HSPA9: variants seen among roughly 807,000 people sequenced by gnomAD.
HSPA9 encodes heat shock protein family A (Hsp70) member 9.
Under a neutral mutation model 81.5 loss-of-function variants are expected in HSPA9, and 28 were observed. The observed-to-expected ratio is 0.34, with a 90% confidence interval of 0.25 to 0.47. HSPA9 has a LOEUF of 0.47. HSPA9 is among the 20% of genes least tolerant of loss of function. The pLI is 1.00. For synonymous variants in HSPA9, 293 were observed against 290.4 expected (o/e 1.01, Z -0.09); for missense variants, 678 against 838.0 (o/e 0.81, Z 2.36).
chr5:138,565,366 A>T (rs1018370878), intron 9 of HSPA9, among the ~76,000 whole-genome samples: 3 of 151,998 alleles, frequency 2.0e-5, no homozygotes, highest in Admixed American at 2.0e-4. Flanking sequence ...GTCACTCCTC[A>T]CAGCCACTTA....
intron 11 of HSPA9, 27 bp downstream of exon 11, chr5:138,559,837 G>T: frequency 1.4e-6 from 2 of 1,462,870 alleles, no homozygotes; most frequent in South Asian, 2.3e-5. Context: ...AAACCCATGT[G>T]ACAAGGTAGG....
intron 5 of HSPA9, 36 bp downstream of exon 5, chr5:138,568,889 T>C: frequency 6.2e-7 from 1 of 1,610,092 alleles, no homozygotes; most frequent in Non-Finnish European, 8.5e-7. Flanking sequence ...ATCATTGTTC[T>C]TAGAACTTTC....
In HSPA9 at chr5:138,566,675, A is replaced by C; in HGVS notation, c.923T>G (p.Val308Gly). ...TTTAGCCTTTTCAGCAGCTTCCCGT[A>C]CCCTCTGAAGTGCCATGTTGTCTTT... Reference protein sequence around the residue: ...LTKDNMALQRVREAAEKAKCE... With the variant: ...LTKDNMALQRGREAAEKAKCE... Residue 308 changes from valine (V) to glycine (G), a missense_variant, in exon 9 of 17, where the codon GTA becomes GGA. Val to Gly is a moderately radical substitution (Grantham distance 109). Transcript: ENST00000297185. 3 of 1,614,062 alleles carry C rather than the reference A, an allele frequency of 1.9e-6. No homozygotes were observed. The highest frequency in any genetic ancestry group is 2.5e-6 in the Non-Finnish European group (3 of 1,179,972).
chr5:138,564,071 G>A (rs1750710925), intron 9 of HSPA9, among the ~76,000 whole-genome samples: 1 of 151,846 alleles, frequency 6.6e-6, no homozygotes, highest in South Asian at 2.1e-4. Flanking sequence ...ACCTCTCTCA[G>A]GTACCTTCTT....
intron 4 of HSPA9, 108 bp downstream of exon 4, chr5:138,570,852 A>C: frequency 4.0e-6 from 4 of 999,572 alleles, no homozygotes; most frequent in Non-Finnish European, 6.4e-6. Flanking sequence ...ACAATAAGTA[A>C]AATTACTAAA....
In HSPA9 at chr5:138,554,690, A is replaced by ACT. The variant is rs557597783; in HGVS notation, c.*1345_*1346dup. Among the ~76,000 whole-genome samples, 145 of 152,262 alleles carry ACT rather than the reference A, an allele frequency of 9.5e-4. No homozygotes were observed. Among genetic ancestry groups the ACT allele is most frequent in the Non-Finnish European group, 1.9e-3 (126 of 68,018 alleles). On this transcript the variant is annotated 3_prime_UTR_variant, in exon 17 of 17. Coordinates refer to ENST00000297185, the MANE Select transcript of HSPA9 (RefSeq NM_004134.7). The stretch of plus-strand genomic sequence containing the variant: ...TATTCTAAGCCCATCTTGATAACAG[A>ACT]CTCTTTTGAACATGGCATATGACAT...
chr5:138,560,908 ATTTT>A, intron 10 of HSPA9: 2 of 335,972 alleles, frequency 6.0e-6, no homozygotes, highest in Non-Finnish European at 1.1e-5. Context: ...TTCCAGGTTC[ATTTT>A]TTTTTTTTTT....
At chr5:138,571,645 CTATT>C (rs1234212507) in intron 3 of HSPA9, among the ~76,000 whole-genome samples, 4 of 151,344 alleles carry the variant, frequency 2.6e-5, no homozygotes, top group Admixed American at 1.3e-4. Flanking sequence ...TTTCAAACTA[CTATT>C]TTTTTTTTTT....
intron 14 of HSPA9, 146 bp downstream of exon 14, chr5:138,557,256 C>T (rs550553512): frequency 1.1e-5 from 8 of 702,288 alleles, no homozygotes; most frequent in East Asian, 8.1e-5. Flanking sequence ...TGCACCACCA[C>T]GCCCGGCTTC....
intron 14 of HSPA9, 162 bp downstream of exon 14, chr5:138,557,240 C>A: frequency 3.0e-6 from 2 of 672,392 alleles, no homozygotes; most frequent in East Asian, 2.7e-5. Context: ...GCTGGGACTG[C>A]AGGCGTGCAC....
chr5:138,559,960 A>G lies in HSPA9; in HGVS notation c.1314T>C (p.Leu438=). 6.2e-7 allele frequency: 1 copy of G among 1,614,146 alleles called. No individual in the cohort carries two copies. Among genetic ancestry groups the G allele is most frequent in the Non-Finnish European group, 8.5e-7 (1 of 1,180,012 alleles). The change falls in exon 11 of 17, where the codon CTT becomes CTC. Residue 438 remains leucine, a synonymous_variant. Coordinates refer to ENST00000297185, the MANE Select transcript of HSPA9 (RefSeq NM_004134.7). ...LAGDVTDVLL[L]DVTPLSLGIE... ...TACCCAGAGACAGGGGAGTGACATC[A>G]AGGAGCAGCACATCCGTGACATCGC...
intron 11 of HSPA9, 142 bp downstream of exon 11, chr5:138,559,722 C>T: frequency 1.5e-6 from 1 of 689,528 alleles, no homozygotes; most frequent in Non-Finnish European, 2.6e-6. Context: ...ATTCTCACCA[C>T]CCACAGTTAA....
chr5:138,556,369 A>G, intron 16 of HSPA9, 83 bp downstream of exon 16: 1 of 1,484,244 alleles, frequency 6.7e-7, no homozygotes, highest in Non-Finnish European at 9.3e-7. Context: ...ACAAATGGCT[A>G]TGGAGGGAGC....
intron 3 of HSPA9, among the ~76,000 whole-genome samples, chr5:138,571,972 T>C (rs1184125904): frequency 1.4e-5 from 2 of 146,006 alleles, no homozygotes; most frequent in African/African-American, 5.1e-5. Context: ...TTTTTTTTTT[T>C]TTTTGAGACA....
intron 9 of HSPA9, among the ~76,000 whole-genome samples, chr5:138,565,227 G>T (rs894850542): frequency 6.6e-6 from 1 of 152,116 alleles, no homozygotes. Context: ...AAATCCCTGG[G>T]AAGAATTATC....
Position 138,553,781 on chromosome 5 carries a change from TTATG to T in HSPA9, c.*2252_*2255del, listed in dbSNP as rs1333986176. Among the ~76,000 whole-genome samples, 6 of 152,202 alleles carry T rather than the reference TTATG, an allele frequency of 3.9e-5. No homozygotes were observed. Among genetic ancestry groups the T allele is most frequent in the African/African-American group, 1.2e-4 (5 of 41,462 alleles). On this transcript the variant is annotated 3_prime_UTR_variant, in exon 17 of 17. Coordinates refer to ENST00000297185, the MANE Select transcript of HSPA9 (RefSeq NM_004134.7). ...TTTTTGCCTTTTGTGATAGTTAATTTTATGTGTCAGTTTAGCCATTGATGCCATT... is the reference window on the plus strand; with the variant it reads ...TTTTTGCCTTTTGTGATAGTTAATTTTGTCAGTTTAGCCATTGATGCCATT...
chr5:138,567,302 C>CAAAAG lies in HSPA9; in HGVS notation c.717-144_717-140dup, dbSNP rs565070085. The stretch of plus-strand genomic sequence containing the variant: ...ATGTACTAGTTAAATTACCATGGCC[C>CAAAAG]AAAAGAAAAGAAAAGAATGGTTTTG... On this transcript the variant is annotated intron_variant, in intron 7 of 16. Transcript: ENST00000297185. 17 of 987,544 alleles carry CAAAAG rather than the reference C, an allele frequency of 1.7e-5. No individual in the cohort carries two copies. In the African/African-American group the frequency reaches 1.8e-4, roughly 10 times the overall value. 61.2% of individuals were successfully genotyped at this position (987,544 alleles called of 1,614,324 possible).
At chr5:138,561,374 G>A (rs1306705877) in intron 10 of HSPA9, among the ~76,000 whole-genome samples, 1 of 152,168 alleles carries the variant, frequency 6.6e-6, no homozygotes, top group Non-Finnish European at 1.5e-5. Flanking sequence ...CTCCCGAAGT[G>A]TTGGGATTAT....
chr5:138,558,618 T>C lies in HSPA9; in HGVS notation c.1450A>G (p.Ile484Val), dbSNP rs139840609. ...TCTCTTTCACCCTGACACACTTTAA[T>C]TTCCACTTGCGTTTGACCATCAGCG... The part of the protein sequence containing the change: ...TAADGQTQVE[I>V]KVCQGEREMA... The change falls in exon 12 of 17, where the codon ATT (isoleucine) becomes GTT (valine). Residue 484 changes from isoleucine (I) to valine (V), a missense_variant. This residue lies in a region of HSPA9 where 484 missense variants were observed against 647.5 expected (regional missense o/e 0.75). Transcript: ENST00000297185. 6.8e-6 allele frequency: 11 copies of C among 1,613,862 alleles called. No homozygotes were observed. Among genetic ancestry groups the C allele is most frequent in the African/African-American group, 1.3e-5 (1 of 74,908 alleles).
Sources: allele counts gnomAD v4.1 joint callset (sites outside exome capture counted in the v4.1 genomes callset), GRCh38; gene constraint gnomAD v4.1.1; regional missense constraint gnomAD v4.1.1; transcripts MANE v1.5; gene names NCBI Gene and HGNC (gene_info 2026-07-23, HGNC 2026-07-21).